INPP4B: variants seen among roughly 807,000 people sequenced by gnomAD.
INPP4B encodes the protein inositol polyphosphate 4-phosphatase type II.
Under a neutral mutation model 122.5 loss-of-function variants are expected in INPP4B, and 55 were observed. The observed-to-expected ratio is 0.45, with a 90% CI of 0.36 to 0.56. The LOEUF (loss-of-function observed/expected upper bound fraction) is 0.56, where lower values mean the gene tolerates loss of function less well. Ranked by LOEUF, INPP4B falls within the 20% of genes least tolerant of loss-of-function variation. The pLI is 0.00. For missense variants in INPP4B, 1,000 were observed against 1,097.7 expected (o/e 0.91, Z 1.26); for synonymous variants, 403 against 388.7 (o/e 1.04, Z -0.43).
chr4:142,653,640 C>T (rs1238318867), intron 2 of INPP4B, among the ~76,000 whole-genome samples: 3 of 152,084 alleles, frequency 2.0e-5, no homozygotes, highest in Non-Finnish European at 4.4e-5. Flanking sequence ...CACTGGTCAC[C>T]AGAGAAATGC....
chr4:142,765,264 G>A (rs543729370), intron 1 of INPP4B, among the ~76,000 whole-genome samples: 3 of 152,262 alleles, frequency 2.0e-5, no homozygotes, highest in African/African-American at 7.2e-5. Context: ...CAGAAGCACA[G>A]GTGAGGGAAA....
chr4:142,661,910 C>G (rs1347041086), intron 2 of INPP4B, among the ~76,000 whole-genome samples: 1 of 152,098 alleles, frequency 6.6e-6, no homozygotes, highest in Non-Finnish European at 1.5e-5. Context: ...CTGAGGTGAA[C>G]AGGACCCTAA....
At chr4:142,404,691 AAGAC>A (rs1382672591) in intron 6 of INPP4B, among the ~76,000 whole-genome samples, 5 of 152,226 alleles carry the variant, frequency 3.3e-5, no homozygotes, top group Admixed American at 1.3e-4. Flanking sequence ...CGTAAGTTGA[AAGAC>A]AGACAAACAA....
intron 18 of INPP4B, among the ~76,000 whole-genome samples, chr4:142,131,842 C>T (rs1801428731): frequency 1.3e-5 from 2 of 152,148 alleles, no homozygotes; most frequent in South Asian, 4.1e-4. Context: ...ATAATCCCAG[C>T]TACTCAGGAG....
At chr4:142,821,124 T>C (rs1292256959) in intron 1 of INPP4B, among the ~76,000 whole-genome samples, 2 of 152,182 alleles carry the variant, frequency 1.3e-5, no homozygotes, top group Non-Finnish European at 2.9e-5. Flanking sequence ...GTTATTTCTC[T>C]AGGAATTATA....
intron 12 of INPP4B, among the ~76,000 whole-genome samples, chr4:142,226,627 G>A (rs17015774): frequency 0.1 from 15,693 of 152,022 alleles, 910 homozygotes; most frequent in Middle Eastern, 0.15. Flanking sequence ...GATTTTGTGC[G>A]CCTGCAACAT....
At chr4:142,160,640 T>A (rs1819647027) in intron 16 of INPP4B, 79 bp from the exon 17 acceptor site, 2 of 1,027,244 alleles carry the variant, frequency 1.9e-6, no homozygotes, top group African/African-American at 3.2e-5. Context: ...AATTGCAGAT[T>A]TGTTGGTACT....
intron 7 of INPP4B, among the ~76,000 whole-genome samples, chr4:142,372,260 T>A (rs1443415477): frequency 1.3e-5 from 2 of 152,010 alleles, no homozygotes; most frequent in African/African-American, 4.8e-5. Context: ...AGTAGAATAA[T>A]GGTTACCAGA....
At chr4:142,273,553 A>G (rs772957867) in intron 9 of INPP4B, among the ~76,000 whole-genome samples, 31 of 151,946 alleles carry the variant, frequency 2.0e-4, no homozygotes, top group Non-Finnish European at 3.4e-4. Context: ...TGAATAATCA[A>G]TGAAATATGG....
chr4:142,470,562 C>T (rs2149675294), intron 2 of INPP4B, among the ~76,000 whole-genome samples: 1 of 152,262 alleles, frequency 6.6e-6, no homozygotes, highest in Non-Finnish European at 1.5e-5. Flanking sequence ...ACAAGATGCT[C>T]ATTTCAGGCA....
chr4:142,525,267 T>C (rs1053832641), intron 2 of INPP4B, among the ~76,000 whole-genome samples: 2 of 151,834 alleles, frequency 1.3e-5, no homozygotes, highest in Non-Finnish European at 2.9e-5. Context: ...GAACATTCCA[T>C]GCTCATGGGT....
chr4:142,356,102 G>A (rs1178222164), intron 7 of INPP4B, among the ~76,000 whole-genome samples: 4 of 151,310 alleles, frequency 2.6e-5, no homozygotes. Context: ...TGTATAAAAT[G>A]ATAAAGTGCT....
chr4:142,190,051 A>T (rs72720428), intron 15 of INPP4B, among the ~76,000 whole-genome samples: 605 of 152,330 alleles, frequency 4.0e-3, no homozygotes, highest in Non-Finnish European at 6.0e-3. Flanking sequence ...CAAGGGACAT[A>T]AATTATATCT....
intron 2 of INPP4B, among the ~76,000 whole-genome samples, chr4:142,613,580 A>G (rs1351545191): frequency 6.6e-6 from 1 of 152,184 alleles, no homozygotes; most frequent in African/African-American, 2.4e-5. Flanking sequence ...ATATCTTTGT[A>G]AAGACCCTTG....
At chr4:142,546,865 G>A (rs1454049373) in intron 2 of INPP4B, among the ~76,000 whole-genome samples, 2 of 152,046 alleles carry the variant, frequency 1.3e-5, no homozygotes, top group East Asian at 3.9e-4. Flanking sequence ...AAACATGCTT[G>A]CTGAGTAATA....
chr4:142,098,638 G>A (rs1428535049), intron 23 of INPP4B, among the ~76,000 whole-genome samples: 1 of 152,102 alleles, frequency 6.6e-6, no homozygotes, highest in Non-Finnish European at 1.5e-5. Context: ...CTGGAAAGGG[G>A]ATGTGAAAGA....
At chr4:142,213,353 G>T (rs1845684260) in intron 12 of INPP4B, among the ~76,000 whole-genome samples, 1 of 152,164 alleles carries the variant, frequency 6.6e-6, no homozygotes, top group Non-Finnish European at 1.5e-5. Flanking sequence ...GCATTTAATA[G>T]TTAGAAGTGA....
rs1023740617 is a variant in INPP4B at position 142,093,687 on chromosome 4, TA to T, written c.2375-7432del. ...GAAAATTATGTTGTTTTAGATACTG[TA>T]AAATCTTGAAAAATAAGAACAGACA... On this transcript the variant is annotated intron_variant, in intron 23 of 25. Coordinates refer to ENST00000262992, the MANE Select transcript of INPP4B (RefSeq NM_001101669.3). Among the ~76,000 whole-genome samples the T allele has an allele frequency of 2.8e-4, 42 of 152,282 alleles. 1 individual carries two copies. The highest frequency in any genetic ancestry group is 6.8e-3 in the Middle Eastern group (2 of 294).
At chr4:142,260,691 A>G in intron 10 of INPP4B, 127 bp from the exon 11 acceptor site, 1 of 635,146 alleles carries the variant, frequency 1.6e-6, no homozygotes, top group Non-Finnish European at 2.7e-6. Flanking sequence ...AATACTTTTT[A>G]AAAACTATTT....
Sources: gnomAD v4.1 joint callset for allele counts (sites outside exome capture counted in the v4.1 genomes callset) on GRCh38, gnomAD v4.1.1 for gene constraint, MANE v1.5 for transcripts, NCBI Gene and HGNC (gene_info 2026-07-23, HGNC 2026-07-21) for gene names.